The following CCDC134 variants were observed in gnomAD, a reference collection of about 807,000 sequenced individuals.
The protein encoded by CCDC134 is coiled-coil domain containing 134, also known as coiled-coil domain-containing protein 134.
CCDC134 carries 27 observed loss-of-function variants against 25.6 expected under a neutral mutation model. The ratio of observed to expected loss-of-function variants is 1.05; its 90% CI spans 0.78 to 1.45. The LOEUF is 1.45. CCDC134 is among the 40% of genes most tolerant of loss of function. CCDC134 has a pLI of 0.00. For synonymous variants in CCDC134, 110 were observed against 115.0 expected (o/e 0.96, Z 0.28); for missense variants, 261 against 286.7 (o/e 0.91, Z 0.65).
chr22:41,817,339 TC>T (rs2076627311), intron 6 of CCDC134, among the ~76,000 whole-genome samples: 3 of 152,186 alleles, frequency 2.0e-5, no homozygotes, highest in Non-Finnish European at 4.4e-5. Flanking sequence ...TTTGGTCTTT[TC>T]AGAGATTGAG....
intron 6 of CCDC134, among the ~76,000 whole-genome samples, chr22:41,819,963 TTATA>T (rs34213936): frequency 0.025 from 2,062 of 82,570 alleles, 57 homozygotes; most frequent in African/African-American, 0.071. Context: ...ACTTACCACT[TTATA>T]TATATATATA....
rs906519628 is a variant in CCDC134 at position 41,826,712 on chromosome 22, A to G, written c.*889A>G. On this transcript the variant is annotated 3_prime_UTR_variant, in exon 7 of 7. Coordinates refer to ENST00000255784, the MANE Select transcript of CCDC134 (RefSeq NM_024821.5). ...CTCCGCAATGGCTGCCCTAAGCTGCATGGGTCAGACAGCTTCCCGTCTCGG... is the reference window on the plus strand; with the variant it reads ...CTCCGCAATGGCTGCCCTAAGCTGCGTGGGTCAGACAGCTTCCCGTCTCGG... 1.3e-5 allele frequency among the ~76,000 whole-genome samples: 2 copies of G among 152,172 alleles called. No individual in the cohort carries two copies. The highest frequency in any genetic ancestry group is 6.5e-5 in the Admixed American group (1 of 15,284).
chr22:41,830,060 C>T lies in CCDC134; in HGVS notation c.*4237C>T, dbSNP rs779429933. Among the ~76,000 whole-genome samples, 10 of 152,170 alleles carry T rather than the reference C, an allele frequency of 6.6e-5. No homozygotes were observed. Among genetic ancestry groups the T allele is most frequent in the East Asian group, 3.9e-4 (2 of 5,194 alleles). On this transcript the variant is annotated 3_prime_UTR_variant, in exon 7 of 7. Coordinates refer to ENST00000255784, the MANE Select transcript of CCDC134 (RefSeq NM_024821.5). ...TGCTGGGATTACAGGCGTAAGCAAC[C>T]GTGCCCGGCTGTCCATCTCTTTTCA...
chr22:41,828,148 C>T lies in CCDC134; in HGVS notation c.*2325C>T, dbSNP rs2076688393. 1.3e-5 allele frequency among the ~76,000 whole-genome samples: 2 copies of T among 152,136 alleles called. No homozygotes were observed. The highest frequency in any genetic ancestry group is 4.8e-5 in the African/African-American group (2 of 41,410). ...AATTTGAAGCAGAGCTGGGCAACTGCAGAGCAATGGGGAAGCCAGCCCAGT... is the reference window on the plus strand; with the variant it reads ...AATTTGAAGCAGAGCTGGGCAACTGTAGAGCAATGGGGAAGCCAGCCCAGT... On this transcript the variant is annotated 3_prime_UTR_variant, in exon 7 of 7. Coordinates refer to ENST00000255784, the MANE Select transcript of CCDC134 (RefSeq NM_024821.5).
chr22:41,806,214 A>ATT lies in CCDC134; in HGVS notation c.-16-2640_-16-2639dup, dbSNP rs60425249. On this transcript the variant is annotated intron_variant, in intron 1 of 6. Coordinates refer to ENST00000255784, the MANE Select transcript of CCDC134 (RefSeq NM_024821.5). The stretch of plus-strand genomic sequence containing the variant: ...AAAATCTTTTTTTTTTAGGCGACTA[A>ATT]TTTTTTTTTTTTTTTTTTTTTTGAT... Among the ~76,000 whole-genome samples, 60 of 120,978 alleles carry ATT rather than the reference A, an allele frequency of 5.0e-4. No homozygotes were observed. In the East Asian group the frequency reaches 6.4e-3, roughly 13 times the overall value. 79.4% of individuals were successfully genotyped at this position (120,978 alleles called of 152,430 possible).
intron 6 of CCDC134, among the ~76,000 whole-genome samples, chr22:41,815,184 C>T (rs2148313782): frequency 6.6e-6 from 1 of 150,596 alleles, no homozygotes. Flanking sequence ...CTTGGTTTAA[C>T]TCAAATTTTC....
chr22:41,814,908 C>G (rs1255543073), intron 6 of CCDC134, among the ~76,000 whole-genome samples: 1 of 152,154 alleles, frequency 6.6e-6, no homozygotes, highest in Non-Finnish European at 1.5e-5. Context: ...GCTGTGCATG[C>G]AGGGGGTGTG....
At chr22:41,819,963 T>TTA (rs34213936) in intron 6 of CCDC134, among the ~76,000 whole-genome samples, 13,334 of 81,984 alleles carry the variant, frequency 0.16, 896 homozygotes, top group Middle Eastern at 0.21. Context: ...ACTTACCACT[T>TTA]TATATATATA....
chr22:41,830,932 C>T lies in CCDC134; in HGVS notation c.*5109C>T, dbSNP rs1199785651. Among the ~76,000 whole-genome samples the T allele has an allele frequency of 9.4e-5, 13 of 138,296 alleles. No homozygotes were observed. Among genetic ancestry groups the T allele is most frequent in the Non-Finnish European group, 1.8e-4 (12 of 66,720 alleles). The allele number at this position is 138,296 out of a possible 152,430, so 90.7% of individuals were successfully genotyped here. A position where few individuals can be genotyped will look rare whatever the true frequency, so the allele number is the denominator to read the frequency against. On this transcript the variant is annotated 3_prime_UTR_variant, in exon 7 of 7. Transcript: ENST00000255784. ...GAGACGCAGTCTCCTGTTGCCCAGG[C>T]TGGAGTGCAATGGCGCGATCTCTGC...
rs540201332 is a variant in CCDC134, at chr22:41,808,785, G to T, written c.-16-90G>T. The T allele has an allele frequency of 2.1e-5, 21 of 1,023,548 alleles. No homozygotes were observed. The African/African-American group carries it at 3.4e-4, about 16-fold the overall frequency. The allele number at this position is 1,023,548 out of a possible 1,614,324, so 63.4% of individuals were successfully genotyped here. A position where few individuals can be genotyped will look rare whatever the true frequency, so the allele number is the denominator to read the frequency against. On this transcript the variant is annotated intron_variant, in intron 1 of 6. Coordinates refer to ENST00000255784, the MANE Select transcript of CCDC134 (RefSeq NM_024821.5). ...TCTTGGTATACAGAGGCTGCACTAT[G>T]TCGGGGGAAGCTGCTGTTCACCTGT...
At chr22:41,822,841 T>A (rs568009078) in intron 6 of CCDC134, among the ~76,000 whole-genome samples, 16 of 152,230 alleles carry the variant, frequency 1.1e-4, no homozygotes, top group Non-Finnish European at 2.4e-4. Flanking sequence ...TAGTTGGGCC[T>A]ACCACATGCT....
At chr22:41,818,451 G>A (rs1236964172) in intron 6 of CCDC134, among the ~76,000 whole-genome samples, 1 of 152,238 alleles carries the variant, frequency 6.6e-6, no homozygotes, top group African/African-American at 2.4e-5. Flanking sequence ...CTCCTGAAAT[G>A]CAAGTTCCCA....
At chr22:41,820,575 A>C (rs1313848211) in intron 6 of CCDC134, among the ~76,000 whole-genome samples, 1 of 152,188 alleles carries the variant, frequency 6.6e-6, no homozygotes, top group Non-Finnish European at 1.5e-5. Context: ...GAACCAGACG[A>C]TGACAGTGGA....
At position 41,826,855 on chromosome 22, in the gene CCDC134, C is replaced by T. The variant is rs145219388; in HGVS notation, c.*1032C>T. ...GGCTTTAGTGAGAATTCTAGCTCTG[C>T]CTCTTTGACCTTGCCAAGTCAGGAT... is the stretch of plus-strand genomic sequence containing the variant. On this transcript the variant is annotated 3_prime_UTR_variant, in exon 7 of 7. Transcript: ENST00000255784. Among the ~76,000 whole-genome samples the T allele has an allele frequency of 0.013, 2,022 of 152,324 alleles. 40 individuals carry two copies. Among genetic ancestry groups the T allele is most frequent in the Non-Finnish European group, 0.016 (1,057 of 68,024 alleles).
chr22:41,814,658 GCTGGAGGACTGGACTTGTCAAACC>G (rs1450977640), intron 6 of CCDC134, among the ~76,000 whole-genome samples: 4 of 152,142 alleles, frequency 2.6e-5, no homozygotes, highest in Non-Finnish European at 4.4e-5. Flanking sequence ...GGCTGTGGTG[GCTGGAGGACTGGACTTGTCAAACC>G]CTGGTGTCGG....
At chr22:41,805,363 TC>T (rs2148304167) in intron 1 of CCDC134, among the ~76,000 whole-genome samples, 1 of 151,690 alleles carries the variant, frequency 6.6e-6, no homozygotes, top group East Asian at 1.9e-4. Context: ...GCCTGGGAGG[TC>T]AAGGCTACAG....
chr22:41,818,331 C>A (rs1319732711), intron 6 of CCDC134, among the ~76,000 whole-genome samples: 1 of 152,160 alleles, frequency 6.6e-6, no homozygotes, highest in Admixed American at 6.5e-5. Context: ...CCTAACATAT[C>A]AAAATGGCAA....
chr22:41,800,875 A>T (rs958930691), intron 1 of CCDC134, 109 bp downstream of exon 1: 1 of 152,228 alleles, frequency 6.6e-6, no homozygotes, highest in African/African-American at 2.4e-5. Flanking sequence ...GTGGACCTGG[A>T]CGCCTCTGTT....
chr22:41,819,114 GTC>G (rs558274703), intron 6 of CCDC134, among the ~76,000 whole-genome samples: 145 of 152,286 alleles, frequency 9.5e-4, no homozygotes, highest in African/African-American at 3.3e-3. Flanking sequence ...GCGTGGACTT[GTC>G]TCTCGCAGGA....
Sources: gnomAD v4.1 joint callset for allele counts (sites outside exome capture counted in the v4.1 genomes callset) on GRCh38, gnomAD v4.1.1 for gene constraint, MANE v1.5 for transcripts, NCBI Gene and HGNC (gene_info 2026-07-23, HGNC 2026-07-21) for gene names.